MLLT10: variants seen among roughly 807,000 people sequenced by gnomAD.
The protein encoded by MLLT10 is protein AF-10.
In MLLT10, 30 loss-of-function variants were observed where a neutral mutation model predicts 129.1. That is an observed-to-expected ratio of 0.23 (90% CI 0.17 to 0.32). The LOEUF (loss-of-function observed/expected upper bound fraction) is 0.32, where lower values mean the gene tolerates loss of function less well. Among genes scored for constraint, MLLT10 ranks in the 10% least tolerant of loss-of-function variants. The probability of loss-of-function intolerance (pLI) is 1.00; values close to 1 mark genes in which losing one functional copy is unlikely to be tolerated. For synonymous variants in MLLT10, 490 were observed against 446.4 expected, an observed-to-expected ratio of 1.10 and a Z score of -1.23; for missense variants, 1,119 against 1,268.3, an observed-to-expected ratio of 0.88 and a Z score of 1.79.
intron 13 of MLLT10, among the ~76,000 whole-genome samples, chr10:21,705,633 T>C (rs2055415311): frequency 2.0e-5 from 3 of 152,172 alleles, no homozygotes; most frequent in African/African-American, 7.2e-5. Flanking sequence ...GTTCCCCACA[T>C]CTCAGCCCTG....
chr10:21,702,852 G>C (rs1247389533), intron 13 of MLLT10, among the ~76,000 whole-genome samples: 2 of 152,108 alleles, frequency 1.3e-5, no homozygotes, highest in Non-Finnish European at 2.9e-5. Context: ...GCAATAAGTA[G>C]TTGGACCTTG....
chr10:21,595,029 G>A (rs927912990), intron 4 of MLLT10, among the ~76,000 whole-genome samples: 5 of 152,130 alleles, frequency 3.3e-5, no homozygotes, highest in Non-Finnish European at 7.4e-5. Context: ...CTCAGAGGTA[G>A]CGTTGATCTG....
At chr10:21,682,170 T>A (rs2052806831) in intron 12 of MLLT10, 55 bp from the exon 13 acceptor site, 1 of 1,486,184 alleles carries the variant, frequency 6.7e-7, no homozygotes, top group Non-Finnish European at 9.3e-7. Context: ...TATGTATTTC[T>A]TTTGTGTGTT....
At chr10:21,570,482 A>C (rs1366834779) in intron 3 of MLLT10, among the ~76,000 whole-genome samples, 1 of 151,862 alleles carries the variant, frequency 6.6e-6, no homozygotes, top group African/African-American at 2.4e-5. Context: ...ATTTCTAAAG[A>C]CTTTTTTTTT....
chr10:21,673,070 A>T (rs1336409513), intron 10 of MLLT10, among the ~76,000 whole-genome samples: 1 of 152,158 alleles, frequency 6.6e-6, no homozygotes, highest in East Asian at 1.9e-4. Flanking sequence ...AGGTGAAATA[A>T]AGCGCATCTT....
At chr10:21,614,457 C>T (rs760008831) in intron 6 of MLLT10, among the ~76,000 whole-genome samples, 17 of 152,024 alleles carry the variant, frequency 1.1e-4, no homozygotes, top group Non-Finnish European at 2.2e-4. Flanking sequence ...CATGGCCTTT[C>T]CATTTGTACC....
intron 5 of MLLT10, among the ~76,000 whole-genome samples, chr10:21,603,027 C>T (rs573239008): frequency 5.1e-4 from 77 of 151,682 alleles, no homozygotes; most frequent in Admixed American, 3.3e-4. Context: ...CCACTGCGCC[C>T]GGCCTATCTT....
At chr10:21,735,976 A>G (rs1201022943) in intron 21 of MLLT10, among the ~76,000 whole-genome samples, 2 of 152,128 alleles carry the variant, frequency 1.3e-5, no homozygotes, top group Admixed American at 6.5e-5. Flanking sequence ...AGTGGAGAGC[A>G]CCCTGAAGAC....
At chr10:21,738,127 G>T (rs2058529131) in intron 21 of MLLT10, among the ~76,000 whole-genome samples, 1 of 152,052 alleles carries the variant, frequency 6.6e-6, no homozygotes, top group African/African-American at 2.4e-5. Context: ...AATTAGCCGG[G>T]TGTGGTGGCG....
At chr10:21,740,310 C>G (rs2058721020) in intron 22 of MLLT10, 74 bp downstream of exon 22, 1 of 1,513,062 alleles carries the variant, frequency 6.6e-7, no homozygotes, top group Admixed American at 1.8e-5. Flanking sequence ...CATTTTCCAG[C>G]CTGGTTTTGT....
At chr10:21,610,634 A>G (rs1325151974) in intron 5 of MLLT10, among the ~76,000 whole-genome samples, 1 of 150,106 alleles carries the variant, frequency 6.7e-6, no homozygotes, top group South Asian at 2.1e-4. Flanking sequence ...TTTTTTTTAT[A>G]AATAAAAATT....
At chr10:21,720,049 G>A (rs2057018370) in intron 14 of MLLT10, among the ~76,000 whole-genome samples, 1 of 152,108 alleles carries the variant, frequency 6.6e-6, no homozygotes, top group Non-Finnish European at 1.5e-5. Flanking sequence ...GAGCTATATT[G>A]ATAAGATATT....
Position 21,742,777 on chromosome 10 carries a change from T to A in MLLT10, c.*794T>A. The stretch of plus-strand genomic sequence containing the variant: ...AAGTGCTGGTGGGGTTTGCCCTTGA[T>A]CAAGTGCCTCCATTGTGCTGCAAGG... On this transcript the variant is annotated 3_prime_UTR_variant, in exon 23 of 23. Coordinates refer to ENST00000307729, the MANE Select transcript of MLLT10 (RefSeq NM_001195626.3). 1 of 227,606 alleles carries A rather than the reference T, an allele frequency of 4.4e-6. No individual in the cohort carries two copies. Among genetic ancestry groups the A allele is most frequent in the Non-Finnish European group, 8.7e-6 (1 of 114,550 alleles). 14.1% of individuals were successfully genotyped at this position (227,606 alleles called of 1,614,324 possible). A position where few individuals can be genotyped will look rare whatever the true frequency, so the allele number is the denominator to read the frequency against.
At chr10:21,569,732 T>G (rs1246359138) in intron 3 of MLLT10, among the ~76,000 whole-genome samples, 1 of 150,518 alleles carries the variant, frequency 6.6e-6, no homozygotes, top group Non-Finnish European at 1.5e-5. Flanking sequence ...ACCCAGTTAA[T>G]TTTTAAAAAA....
intron 9 of MLLT10, among the ~76,000 whole-genome samples, chr10:21,665,326 T>C (rs1011022580): frequency 6.8e-6 from 1 of 148,104 alleles, no homozygotes; most frequent in Non-Finnish European, 1.5e-5. Flanking sequence ...TTCACTCTTG[T>C]TGCCCAGGCT....
At chr10:21,639,601 G>A (rs1421442812) in intron 8 of MLLT10, among the ~76,000 whole-genome samples, 1 of 152,148 alleles carries the variant, frequency 6.6e-6, no homozygotes, top group East Asian at 1.9e-4. Context: ...TTGTTATACC[G>A]AGTTCACTGG....
At chr10:21,731,445 T>C (rs1187532107) in intron 17 of MLLT10, among the ~76,000 whole-genome samples, 1 of 152,172 alleles carries the variant, frequency 6.6e-6, no homozygotes, top group Non-Finnish European at 1.5e-5. Flanking sequence ...TGATTATACA[T>C]ATTGGTACTT....
Position 21,673,582 on chromosome 10 carries a change from A to G in MLLT10, c.1284A>G (p.Ser428=). 6.2e-7 allele frequency: 1 copy of G among 1,613,402 alleles called. No homozygotes were observed. The highest frequency in any genetic ancestry group is 8.5e-7 in the Non-Finnish European group (1 of 1,179,794). The change falls in exon 11 of 23, where the codon TCA becomes TCG. Residue 428 remains serine, a synonymous_variant. Transcript: ENST00000307729. ...TCCCTTCAACCTCAGCTGTTACTTC[A>G]CAGCCTAAAAGCTTTGAAAATTCAC... is the stretch of plus-strand genomic sequence containing the variant. ...IGLPSTSAVT[S]QPKSFENSPG...
At chr10:21,561,045 T>C (rs2038736220) in intron 3 of MLLT10, among the ~76,000 whole-genome samples, 1 of 152,218 alleles carries the variant, frequency 6.6e-6, no homozygotes, top group South Asian at 2.1e-4. Context: ...ATTCTGTGTG[T>C]TGTCTTTTCG....
Sources: allele counts gnomAD v4.1 joint callset (sites outside exome capture counted in the v4.1 genomes callset), GRCh38; gene constraint gnomAD v4.1.1; transcripts MANE v1.5; gene names NCBI Gene and HGNC (gene_info 2026-07-23, HGNC 2026-07-21).